Variants in ZDHHC14 observed in about 807,000 individuals in gnomAD.
The protein encoded by ZDHHC14 is zDHHC palmitoyltransferase 14, also known as palmitoyltransferase ZDHHC14.
Under a neutral mutation model 47.7 loss-of-function variants are expected in ZDHHC14, and 16 were observed. The observed-to-expected ratio is 0.34, with a 90% confidence interval of 0.23 to 0.51. The LOEUF (loss-of-function observed/expected upper bound fraction) is 0.51, where lower values mean the gene tolerates loss of function less well. Among genes scored for constraint, ZDHHC14 ranks in the 20% least tolerant of loss-of-function variants. ZDHHC14 has a pLI of 0.97. For synonymous variants in ZDHHC14, 293 were observed against 278.9 expected, an observed-to-expected ratio of 1.05 and a Z score of -0.50; for missense variants, 515 against 662.5, an observed-to-expected ratio of 0.78 and a Z score of 2.44.
intron 1 of ZDHHC14, among the ~76,000 whole-genome samples, chr6:157,421,372 G>C (rs1272633832): frequency 2.0e-5 from 3 of 151,054 alleles, no homozygotes; most frequent in Non-Finnish European, 4.4e-5. Context: ...GTCGCCTGTA[G>C]TCCCAGCTAT....
chr6:157,577,948 C>G (rs1783367989), intron 2 of ZDHHC14, among the ~76,000 whole-genome samples: 1 of 152,164 alleles, frequency 6.6e-6, no homozygotes, highest in Non-Finnish European at 1.5e-5. Context: ...ATGATTAATG[C>G]TGTTGAGCAT....
At chr6:157,539,048 G>A (rs747964739) in intron 1 of ZDHHC14, among the ~76,000 whole-genome samples, 3 of 152,140 alleles carry the variant, frequency 2.0e-5, no homozygotes, top group Non-Finnish European at 2.9e-5. Context: ...GCAGAGACAC[G>A]TGTGATTGGA....
chr6:157,646,050 C>A (rs540862668), intron 6 of ZDHHC14, among the ~76,000 whole-genome samples: 1 of 152,186 alleles, frequency 6.6e-6, no homozygotes, highest in Non-Finnish European at 1.5e-5. Context: ...TTTTTCCGAC[C>A]ACATCCATTA....
At chr6:157,660,389 C>T (rs1778299421) in intron 8 of ZDHHC14, among the ~76,000 whole-genome samples, 1 of 152,114 alleles carries the variant, frequency 6.6e-6, no homozygotes, top group Non-Finnish European at 1.5e-5. Context: ...GATGGCATTT[C>T]ACCATGTTGG....
rs1163832104 is a variant in ZDHHC14, at chr6:157,396,605, C to T, written c.245+14339C>T. On this transcript the variant is annotated intron_variant, in intron 1 of 8. Coordinates refer to ENST00000359775, the MANE Select transcript of ZDHHC14 (RefSeq NM_024630.3). ...GAAACCTATGCAAGTTAAATTTCAG[C>T]GTGGTCCTAACACACACAGTCAAAT... Among the ~76,000 whole-genome samples, 7 of 152,288 alleles carry T rather than the reference C, an allele frequency of 4.6e-5. No homozygotes were observed. The South Asian group carries it at 6.2e-4, about 14-fold the overall frequency.
At chr6:157,555,983 G>T (rs1782442289) in intron 2 of ZDHHC14, among the ~76,000 whole-genome samples, 1 of 152,186 alleles carries the variant, frequency 6.6e-6, no homozygotes, top group Non-Finnish European at 1.5e-5. Context: ...GGACAGAGAT[G>T]CACGCTGGAT....
chr6:157,394,286 T>C (rs888058466), intron 1 of ZDHHC14, among the ~76,000 whole-genome samples: 2 of 152,248 alleles, frequency 1.3e-5, no homozygotes, highest in Non-Finnish European at 2.9e-5. Context: ...TTTGACACTT[T>C]TCCCATGAAA....
chr6:157,383,076 C>A (rs567518435), intron 1 of ZDHHC14, among the ~76,000 whole-genome samples: 19 of 152,158 alleles, frequency 1.2e-4, no homozygotes, highest in Non-Finnish European at 2.5e-4. Context: ...AAGTCTTCAC[C>A]GTTTTCAGGA....
At chr6:157,649,219 G>A (rs1184525878) in intron 7 of ZDHHC14, among the ~76,000 whole-genome samples, 2 of 152,172 alleles carry the variant, frequency 1.3e-5, no homozygotes, top group African/African-American at 2.4e-5. Context: ...TTGAACAGAC[G>A]GCGATTCATG....
At chr6:157,645,309 T>C (rs1400759698) in intron 5 of ZDHHC14, among the ~76,000 whole-genome samples, 1 of 152,128 alleles carries the variant, frequency 6.6e-6, no homozygotes, top group South Asian at 2.1e-4. Context: ...AATTAGAGTC[T>C]GTGATTGATG....
chr6:157,576,844 G>T (rs571299982), intron 2 of ZDHHC14, among the ~76,000 whole-genome samples: 1 of 152,324 alleles, frequency 6.6e-6, no homozygotes, highest in East Asian at 1.9e-4. Flanking sequence ...CCACTGTTCC[G>T]AATCCTTCGG....
intron 8 of ZDHHC14, among the ~76,000 whole-genome samples, chr6:157,658,820 G>A (rs536456456): frequency 5.3e-5 from 8 of 152,100 alleles, no homozygotes; most frequent in African/African-American, 1.4e-4. Context: ...GGGTAATACC[G>A]GCTTCATGGA....
rs1408379771 is a variant in ZDHHC14, at chr6:157,586,578, G to A, written c.407-6410G>A. 2.0e-5 allele frequency among the ~76,000 whole-genome samples: 3 copies of A among 152,250 alleles called. No individual in the cohort carries two copies. Among genetic ancestry groups the A allele is most frequent in the East Asian group, 3.9e-4 (2 of 5,168 alleles). ...CATTTAGAAAGCTGACTCTTTAAGGGCCAGGAGAACAGATCAGATCAGAAT... is the reference window on the plus strand; with the variant it reads ...CATTTAGAAAGCTGACTCTTTAAGGACCAGGAGAACAGATCAGATCAGAAT... On this transcript the variant is annotated intron_variant, in intron 2 of 8. Transcript: ENST00000359775. The surrounding 1 kb of genome is among the most constrained non-coding windows in gnomAD (Gnocchi z 4.6).
intron 1 of ZDHHC14, among the ~76,000 whole-genome samples, chr6:157,392,057 T>C (rs1158551492): frequency 6.6e-6 from 1 of 152,220 alleles, no homozygotes; most frequent in Admixed American, 6.5e-5. Context: ...CTGCAAGACT[T>C]CCATTTTACA....
At chr6:157,476,919 A>G (rs1779499258) in intron 1 of ZDHHC14, among the ~76,000 whole-genome samples, 1 of 152,234 alleles carries the variant, frequency 6.6e-6, no homozygotes, top group Admixed American at 6.5e-5. Flanking sequence ...TAAAGGTCAT[A>G]TATAACAAAC....
rs1228383160 is a variant in ZDHHC14, at chr6:157,382,282, C to G, written c.245+16C>G. ...TCGCCTTCGAGTAAGTGGTGGCGAC[C>G]GCTCCCCCGACGCCGCACTCCCCTG... On this transcript the variant is annotated intron_variant, in intron 1 of 8. Coordinates refer to ENST00000359775, the MANE Select transcript of ZDHHC14 (RefSeq NM_024630.3). The G allele has an allele frequency of 6.2e-7, 1 of 1,609,664 alleles. No individual in the cohort carries two copies. The highest frequency in any genetic ancestry group is 1.7e-5 in the Admixed American group (1 of 59,472).
chr6:157,488,475 A>G (rs1779834804), intron 1 of ZDHHC14, among the ~76,000 whole-genome samples: 1 of 152,194 alleles, frequency 6.6e-6, no homozygotes. Flanking sequence ...CCATCATCCT[A>G]TAGGGACAGT....
intron 3 of ZDHHC14, among the ~76,000 whole-genome samples, chr6:157,594,284 C>G (rs925671649): frequency 1.3e-5 from 2 of 152,196 alleles, no homozygotes; most frequent in Non-Finnish European, 2.9e-5. Flanking sequence ...CAGGCCTCGT[C>G]TTGGTTTTCT....
At chr6:157,461,504 T>C (rs1296502367) in intron 1 of ZDHHC14, among the ~76,000 whole-genome samples, 1 of 152,164 alleles carries the variant, frequency 6.6e-6, no homozygotes, top group Non-Finnish European at 1.5e-5. Flanking sequence ...CCCAGCCCCA[T>C]CACTCATGTC....
Sources: allele counts gnomAD v4.1 joint callset (sites outside exome capture counted in the v4.1 genomes callset), GRCh38; gene constraint gnomAD v4.1.1; non-coding constraint Gnocchi (gnomAD v3.1); transcripts MANE v1.5; gene names NCBI Gene and HGNC (gene_info 2026-07-23, HGNC 2026-07-21).